DLGAP1: variants seen among roughly 807,000 people sequenced by gnomAD.
The protein encoded by DLGAP1 is DLG associated protein 1.
DLGAP1 carries 11 observed loss-of-function variants against 90.8 expected under a neutral mutation model. The ratio of observed to expected loss-of-function variants is 0.12; its 90% CI spans 0.08 to 0.20. The LOEUF (loss-of-function observed/expected upper bound fraction) is 0.20. DLGAP1 is among the 10% of genes least tolerant of loss of function. The pLI is 1.00. For missense variants in DLGAP1, 1,050 were observed against 1,333.8 expected (o/e 0.79, Z 3.31); for synonymous variants, 558 against 540.7 (o/e 1.03, Z -0.44).
At chr18:4,021,304 C>T (rs142447027) in intron 2 of DLGAP1, among the ~76,000 whole-genome samples, 620 of 152,270 alleles carry the variant, frequency 4.1e-3, no homozygotes, top group Non-Finnish European at 6.6e-3. Flanking sequence ...CAGGGCAAGT[C>T]CTTCATAGCC....
At chr18:3,724,651 G>A (rs1220288405) in intron 7 of DLGAP1, among the ~76,000 whole-genome samples, 12 of 152,136 alleles carry the variant, frequency 7.9e-5, no homozygotes, top group Admixed American at 5.2e-4. Flanking sequence ...AGGCTGAGGT[G>A]GGAGGATCAC....
At chr18:3,998,231 T>A (rs1269863846) in intron 3 of DLGAP1, among the ~76,000 whole-genome samples, 1 of 152,222 alleles carries the variant, frequency 6.6e-6, no homozygotes, top group Non-Finnish European at 1.5e-5. Flanking sequence ...TGGAATAATA[T>A]GTATAGGGAA....
intron 4 of DLGAP1, among the ~76,000 whole-genome samples, chr18:3,866,873 C>CA (rs1023210960): frequency 1.3e-5 from 2 of 152,068 alleles, no homozygotes; most frequent in African/African-American, 4.8e-5. Flanking sequence ...TTTTTTGAGA[C>CA]AAAGTCTTGC....
chr18:4,213,932 T>C (rs972604347), intron 1 of DLGAP1, among the ~76,000 whole-genome samples: 28 of 151,812 alleles, frequency 1.8e-4, no homozygotes, highest in African/African-American at 6.3e-4. Flanking sequence ...TGATTCAGAG[T>C]CCATGTAGGA....
At chr18:3,860,092 C>G (rs1180367400) in intron 4 of DLGAP1, among the ~76,000 whole-genome samples, 1 of 87,710 alleles carries the variant, frequency 1.1e-5, no homozygotes, top group Non-Finnish European at 2.4e-5. Flanking sequence ...GAGCGAGACT[C>G]TGTCTCAAAA....
intron 3 of DLGAP1, among the ~76,000 whole-genome samples, chr18:4,001,038 G>A (rs2074174279): frequency 6.6e-6 from 1 of 151,788 alleles, no homozygotes; most frequent in African/African-American, 2.4e-5. Flanking sequence ...TCTATTATAT[G>A]TTCATTTGTT....
intron 1 of DLGAP1, among the ~76,000 whole-genome samples, chr18:4,389,558 T>C (rs963957192): frequency 6.6e-6 from 1 of 152,212 alleles, no homozygotes; most frequent in African/African-American, 2.4e-5. Context: ...AACTGAATGG[T>C]GACAGCAAAA....
At chr18:3,532,950 C>T (rs1568143938) in intron 10 of DLGAP1, among the ~76,000 whole-genome samples, 2 of 151,940 alleles carry the variant, frequency 1.3e-5, no homozygotes. Context: ...TTTTCTTTTT[C>T]AATTGTTAAT....
At position 4,378,419 on chromosome 18, in the gene DLGAP1, A is replaced by G. The variant is rs1234751096; in HGVS notation, c.-267+76587T>C. On this transcript the variant is annotated intron_variant, in intron 1 of 12. Transcript: ENST00000315677. The surrounding 1 kb of genome is among the most constrained non-coding windows in gnomAD (Gnocchi z 4.5). ...AAATCATTCTGTATAATTAAGCTTA[A>G]ACATCTAAAGAGTATGGTCAGGAAA... Among the ~76,000 whole-genome samples, 4 of 152,136 alleles carry G rather than the reference A, an allele frequency of 2.6e-5. No homozygotes were observed. The highest frequency in any genetic ancestry group is 9.6e-5 in the African/African-American group (4 of 41,452).
chr18:4,203,452 T>C (rs1385488218), intron 1 of DLGAP1, among the ~76,000 whole-genome samples: 2 of 152,202 alleles, frequency 1.3e-5, no homozygotes, highest in African/African-American at 4.8e-5. Context: ...TTCAAATCTT[T>C]AATATAGAAG....
chr18:3,528,823 C>G (rs1380194261), intron 10 of DLGAP1, among the ~76,000 whole-genome samples: 1 of 152,134 alleles, frequency 6.6e-6, no homozygotes, highest in Non-Finnish European at 1.5e-5. Flanking sequence ...TTTGGAATCC[C>G]AGTAGTTTGA....
chr18:3,576,662 T>G (rs2055165865), intron 8 of DLGAP1, among the ~76,000 whole-genome samples: 1 of 151,554 alleles, frequency 6.6e-6, no homozygotes, highest in African/African-American at 2.4e-5. Flanking sequence ...CCTCCCAGGT[T>G]CAAACGATTC....
At chr18:3,742,616 C>CA in intron 5 of DLGAP1, 104 bp from the exon 6 acceptor site, 2 of 1,323,146 alleles carry the variant, frequency 1.5e-6, no homozygotes, top group African/African-American at 1.4e-5. Context: ...AATACTGGGA[C>CA]AAATGACATA....
chr18:4,329,086 C>T (rs941398118), intron 1 of DLGAP1, among the ~76,000 whole-genome samples: 1 of 151,838 alleles, frequency 6.6e-6, no homozygotes, highest in Non-Finnish European at 1.5e-5. Context: ...GTGCTTTTTG[C>T]CTCACCAAAA....
chr18:3,984,170 A>G (rs1178910450), intron 3 of DLGAP1: 1 of 152,214 alleles, frequency 6.6e-6, no homozygotes, highest in African/African-American at 2.4e-5. Context: ...ATCTGCCTAC[A>G]CCTTGATCTC....
Position 4,097,614 on chromosome 18 carries a change from C to A in DLGAP1, c.-159+53566G>T, listed in dbSNP as rs182931747. 3.9e-3 allele frequency among the ~76,000 whole-genome samples: 592 copies of A among 152,182 alleles called. 4 individuals carry two copies. Among genetic ancestry groups the A allele is most frequent in the Non-Finnish European group, 5.0e-3 (342 of 68,018 alleles). On this transcript the variant is annotated intron_variant, in intron 2 of 12. Coordinates refer to ENST00000315677, the MANE Select transcript of DLGAP1 (RefSeq NM_004746.4). ...TGCTTTTCATGCAATGGCAGTGCAA[C>A]AGATAGTTATATTCTGAACGGAACC... is the stretch of plus-strand genomic sequence containing the variant.
At chr18:4,042,366 T>C (rs2149150861) in intron 2 of DLGAP1, among the ~76,000 whole-genome samples, 1 of 152,344 alleles carries the variant, frequency 6.6e-6, no homozygotes, top group African/African-American at 2.4e-5. Flanking sequence ...TTTCAATATA[T>C]TACATGATAT....
At chr18:3,637,132 C>T (rs188790058) in intron 7 of DLGAP1, among the ~76,000 whole-genome samples, 1 of 152,160 alleles carries the variant, frequency 6.6e-6, no homozygotes. Flanking sequence ...CCCTGATTAT[C>T]CAATAGGCAA....
chr18:3,600,103 T>C (rs1256074053), intron 7 of DLGAP1, among the ~76,000 whole-genome samples: 12 of 152,248 alleles, frequency 7.9e-5, no homozygotes, highest in Admixed American at 5.9e-4. Flanking sequence ...AAAAACTGTT[T>C]GTAAAGACAG....
Sources: allele counts gnomAD v4.1 joint callset (sites outside exome capture counted in the v4.1 genomes callset), GRCh38; gene constraint gnomAD v4.1.1; non-coding constraint Gnocchi (gnomAD v3.1); transcripts MANE v1.5; gene names NCBI Gene and HGNC (gene_info 2026-07-23, HGNC 2026-07-21).